ZNF445: variants seen among roughly 807,000 people sequenced by gnomAD.
ZNF445 encodes the protein zinc finger protein 445, also known as zinc finger protein 168.
In ZNF445, 19 loss-of-function variants were observed where a neutral mutation model predicts 93.9. The observed-to-expected ratio is 0.20, with a 90% CI of 0.14 to 0.30. ZNF445 has a LOEUF of 0.30. Among genes scored for constraint, ZNF445 ranks in the 10% least tolerant of loss-of-function variants. ZNF445 has a pLI of 1.00. For missense variants in ZNF445, 1,058 were observed against 1,259.4 expected (o/e 0.84, Z 2.42); for synonymous variants, 449 against 446.3 (o/e 1.01, Z -0.08).
At chr3:44,456,951 A>G (rs1698035578) in intron 2 of ZNF445, among the ~76,000 whole-genome samples, 1 of 152,130 alleles carries the variant, frequency 6.6e-6, no homozygotes, top group Non-Finnish European at 1.5e-5. Context: ...AACATGGCAA[A>G]ACTCCAGGTC....
In ZNF445 at chr3:44,435,913, G is replaced by A. The variant is rs1230447700; in HGVS notation, c.*10662C>T. ...AATTACTGCTAGTTCAGAACTAGAG[G>A]CTGGTTATCCCAGAAAAGTCTAATT... On this transcript the variant is annotated 3_prime_UTR_variant, in exon 8 of 8. Transcript: ENST00000396077. 2.6e-5 allele frequency: 4 copies of A among 152,168 alleles called. No individual in the cohort carries two copies. The highest frequency in any genetic ancestry group is 4.4e-5 in the Non-Finnish European group (3 of 68,036). The allele number at this position is 152,168 out of a possible 1,614,324, so 9.4% of individuals were successfully genotyped here. A position where few individuals can be genotyped will look rare whatever the true frequency, so the allele number is the denominator to read the frequency against.
At chr3:44,458,860 C>T (rs534211213) in intron 1 of ZNF445, among the ~76,000 whole-genome samples, 1 of 152,162 alleles carries the variant, frequency 6.6e-6, no homozygotes, top group Non-Finnish European at 1.5e-5. Context: ...CTGCCTCATA[C>T]TCAGTAAGCA....
intron 3 of ZNF445, among the ~76,000 whole-genome samples, chr3:44,454,508 A>C (rs1698000122): frequency 6.6e-6 from 1 of 152,196 alleles, no homozygotes; most frequent in Admixed American, 6.5e-5. Context: ...ATCACGGCTC[A>C]CTGCAGCCTT....
At position 44,468,876 on chromosome 3, in the gene ZNF445, G is replaced by A. The variant is rs958461735; in HGVS notation, c.-269+8715C>T. ...CAGTCTCCCACACAGCCGGCTCTGC[G>A]TGAATTACTCTTTCTCTATTGCAAT... On this transcript the variant is annotated intron_variant, in intron 1 of 7. Coordinates refer to ENST00000396077, the MANE Select transcript of ZNF445 (RefSeq NM_181489.6). Among the ~76,000 whole-genome samples the A allele has an allele frequency of 3.9e-5, 6 of 152,010 alleles. No individual in the cohort carries two copies. The East Asian group carries it at 5.8e-4, about 15-fold the overall frequency.
chr3:44,449,406 T>C lies in ZNF445; in HGVS notation c.931+107A>G, dbSNP rs983979681. The C allele has an allele frequency of 4.2e-6, 4 of 957,696 alleles. No homozygotes were observed. In the African/African-American group the frequency reaches 4.8e-5, roughly 12 times the overall value. 59.3% of individuals were successfully genotyped at this position (957,696 alleles called of 1,614,324 possible). The stretch of plus-strand genomic sequence containing the variant: ...ACCCTTACCAACACTGTTAAAGATC[T>C]TCCTTCCAGCAAACAATGGAGTAAA... On this transcript the variant is annotated intron_variant, in intron 7 of 7. Transcript: ENST00000396077.
chr3:44,460,512 ACT>A, intron 1 of ZNF445, among the ~76,000 whole-genome samples: 1 of 152,334 alleles, frequency 6.6e-6, no homozygotes, highest in East Asian at 1.9e-4. Flanking sequence ...CAGACCCTGC[ACT>A]TGATGGATTA....
In ZNF445 at chr3:44,435,333, G is replaced by A. The variant is rs1488933113; in HGVS notation, c.*11242C>T. 6.6e-6 allele frequency: 1 copy of A among 152,176 alleles called. No homozygotes were observed. Among genetic ancestry groups the A allele is most frequent in the East Asian group, 1.9e-4 (1 of 5,198 alleles). The allele number at this position is 152,176 out of a possible 1,614,324, so 9.4% of individuals were successfully genotyped here. ...CCCATGTCACAGTGATTGATTTACT[G>A]TGTGAGAACAGAACAAACCTGGGCC... On this transcript the variant is annotated 3_prime_UTR_variant, in exon 8 of 8. Coordinates refer to ENST00000396077, the MANE Select transcript of ZNF445 (RefSeq NM_181489.6).
At position 44,435,722 on chromosome 3, in the gene ZNF445, T is replaced by C. The variant is rs914735436; in HGVS notation, c.*10853A>G. 1 of 152,198 alleles carries C rather than the reference T, an allele frequency of 6.6e-6. No homozygotes were observed. The highest frequency in any genetic ancestry group is 1.5e-5 in the Non-Finnish European group (1 of 68,034). The allele number at this position is 152,198 out of a possible 1,614,324, so 9.4% of individuals were successfully genotyped here. A position where few individuals can be genotyped will look rare whatever the true frequency, so the allele number is the denominator to read the frequency against. On this transcript the variant is annotated 3_prime_UTR_variant, in exon 8 of 8. Coordinates refer to ENST00000396077, the MANE Select transcript of ZNF445 (RefSeq NM_181489.6). The stretch of plus-strand genomic sequence containing the variant: ...GTGGGATTCTGCCCATTGTTGACTA[T>C]GTCTATTCTAATTACGCATTCTAGA...
intron 4 of ZNF445, 41 bp downstream of exon 4, chr3:44,451,272 GT>G (rs761736035): frequency 5.6e-6 from 9 of 1,597,978 alleles, no homozygotes; most frequent in Non-Finnish European, 6.0e-6. Flanking sequence ...AATGCAAGAA[GT>G]GTGGCATAAG....
intron 1 of ZNF445, among the ~76,000 whole-genome samples, chr3:44,465,718 G>C (rs901028441): frequency 6.6e-6 from 1 of 152,158 alleles, no homozygotes; most frequent in Non-Finnish European, 1.5e-5. Context: ...TTCAAGGCCA[G>C]CCTGGCCAAC....
At position 44,447,238 on chromosome 3, in the gene ZNF445, A is replaced by C; in HGVS notation, c.2433T>G (p.Ile811Met). ...AATCATACTGTTTTTGAAGAGAGTG[A>C]ATCCTCTGATGTCGGTAGAGATTGG... ...WSSNLYRHQR[I>M]HSLQKQYDCH... The change falls in exon 8 of 8, where the codon ATT becomes ATG. Residue 811 changes from isoleucine (I) to methionine (M), a missense_variant. Around this residue, in one of 3 missense-constraint regions of ZNF445, gnomAD observed 387 missense variants for 475.7 expected, o/e 0.81. Coordinates refer to ENST00000396077, the MANE Select transcript of ZNF445 (RefSeq NM_181489.6). This position sits in a 1 kb window ranked among gnomAD's most constrained non-coding sequence, Gnocchi z 4.7. The C allele has an allele frequency of 6.2e-7, 1 of 1,614,166 alleles. No individual in the cohort carries two copies. Among genetic ancestry groups the C allele is most frequent in the Non-Finnish European group, 8.5e-7 (1 of 1,180,028 alleles).
At position 44,444,821 on chromosome 3, in the gene ZNF445, G is replaced by A. The variant is rs1251103361; in HGVS notation, c.*1754C>T. On this transcript the variant is annotated 3_prime_UTR_variant, in exon 8 of 8. Coordinates refer to ENST00000396077, the MANE Select transcript of ZNF445 (RefSeq NM_181489.6). Reference sequence around the variant, plus strand: ...TACTGAAAAAGACATCTTCCAGGTTGGTTTCTTCTCATTTCAAGAAATGAC... The same window carrying A: ...TACTGAAAAAGACATCTTCCAGGTTAGTTTCTTCTCATTTCAAGAAATGAC... The A allele has an allele frequency of 6.6e-6, 1 of 152,080 alleles. No homozygotes were observed. The highest frequency in any genetic ancestry group is 1.5e-5 in the Non-Finnish European group (1 of 68,060). 9.4% of individuals were successfully genotyped at this position (152,080 alleles called of 1,614,324 possible). A position where few individuals can be genotyped will look rare whatever the true frequency, so the allele number is the denominator to read the frequency against.
In ZNF445 at chr3:44,446,789, T is replaced by C. The variant is rs556247415; in HGVS notation, c.2882A>G (p.Gln961Arg). The C allele has an allele frequency of 1.2e-6, 2 of 1,614,264 alleles. No homozygotes were observed. Among genetic ancestry groups the C allele is most frequent in the Admixed American group, 1.7e-5 (1 of 60,028 alleles). ...CTGGAGTCCAGTGAGCCTGGAGCTC[T>C]GGCTGCAAGCTTCTTTGCAGTCTTC... ...PLEDCKEACSQSSRLTGLQDI... is the reference protein window; with the variant it reads ...PLEDCKEACSRSSRLTGLQDI... The change falls in exon 8 of 8, where the codon CAG becomes CGG. Residue 961 changes from glutamine to arginine, a missense_variant. By Grantham distance (43) the Gln-to-Arg change is conservative (BLOSUM62 1). Transcript: ENST00000396077. The surrounding 1 kb of genome is among the most constrained non-coding windows in gnomAD (Gnocchi z 4.2).
rs1455127543 is a variant in ZNF445 at position 44,438,151 on chromosome 3, GCACTT to G, written c.*8419_*8423del. Reference sequence around the variant, plus strand: ...TACTGTATCTCCTCAGTCACATTTTGCACTTCACTTTTTTTTTTTTTTAATTGAGA... The same window carrying G: ...TACTGTATCTCCTCAGTCACATTTTGCACTTTTTTTTTTTTTTAATTGAGA... On this transcript the variant is annotated 3_prime_UTR_variant, in exon 8 of 8. Transcript: ENST00000396077. 4 of 150,022 alleles carry G rather than the reference GCACTT, an allele frequency of 2.7e-5. No individual in the cohort carries two copies. The highest frequency in any genetic ancestry group is 2.0e-4 in the Admixed American group (3 of 15,062). 9.3% of individuals were successfully genotyped at this position (150,022 alleles called of 1,614,324 possible).
At chr3:44,462,372 G>A (rs2125683006) in intron 1 of ZNF445, among the ~76,000 whole-genome samples, 1 of 152,264 alleles carries the variant, frequency 6.6e-6, no homozygotes, top group East Asian at 1.9e-4. Context: ...CATGTCATAG[G>A]TAGCCCTAAA....
intron 1 of ZNF445, among the ~76,000 whole-genome samples, chr3:44,462,369 T>C (rs1369712072): frequency 6.6e-6 from 1 of 152,222 alleles, no homozygotes; most frequent in East Asian, 1.9e-4. Context: ...GCTCATGTCA[T>C]AGGTAGCCCT....
At position 44,436,324 on chromosome 3, in the gene ZNF445, A is replaced by C. The variant is rs992595335; in HGVS notation, c.*10251T>G. On this transcript the variant is annotated 3_prime_UTR_variant, in exon 8 of 8. Transcript: ENST00000396077. Reference sequence around the variant, plus strand: ...CTGCTTTGGCTGCACTGTCCATGGCAGTCACCACACCAATTGTGTTTTTGG... The same window carrying C: ...CTGCTTTGGCTGCACTGTCCATGGCCGTCACCACACCAATTGTGTTTTTGG... 1.3e-5 allele frequency: 2 copies of C among 152,228 alleles called. No individual in the cohort carries two copies. Among genetic ancestry groups the C allele is most frequent in the Admixed American group, 1.3e-4 (2 of 15,284 alleles). 9.4% of individuals were successfully genotyped at this position (152,228 alleles called of 1,614,324 possible). A position where few individuals can be genotyped will look rare whatever the true frequency, so the allele number is the denominator to read the frequency against.
rs1400287828 is a variant in ZNF445, at chr3:44,444,637, T to G, written c.*1938A>C. On this transcript the variant is annotated 3_prime_UTR_variant, in exon 8 of 8. Coordinates refer to ENST00000396077, the MANE Select transcript of ZNF445 (RefSeq NM_181489.6). ...AGGCAAGAGGATGGCAGAACCAAGA[T>G]GACCAAACCTTCCTGAGGACAAAGC... is the stretch of plus-strand genomic sequence containing the variant. The G allele has an allele frequency of 6.6e-6, 1 of 152,214 alleles. No individual in the cohort carries two copies. The highest frequency in any genetic ancestry group is 2.4e-5 in the African/African-American group (1 of 41,428). 9.4% of individuals were successfully genotyped at this position (152,214 alleles called of 1,614,324 possible). A position where few individuals can be genotyped will look rare whatever the true frequency, so the allele number is the denominator to read the frequency against.
In ZNF445 at chr3:44,447,505, T is replaced by C. The variant is rs141040680; in HGVS notation, c.2166A>G (p.Ser722=). The change falls in exon 8 of 8, where the codon TCA becomes TCG. Residue 722 remains serine (S), a synonymous_variant. Transcript: ENST00000396077. This position sits in a 1 kb window ranked among gnomAD's most constrained non-coding sequence, Gnocchi z 4.7. ...SDCGKDFAYR[S]AFIVHKKKHA... ...GCTTCTTCTTATGAACAATAAAGGC[T>C]GACCTATAGGCAAAGTCCTTCCCAC... is the stretch of plus-strand genomic sequence containing the variant. The C allele has an allele frequency of 1.2e-6, 2 of 1,614,124 alleles. No homozygotes were observed. The highest frequency in any genetic ancestry group is 2.7e-5 in the African/African-American group (2 of 74,946).
Sources: gnomAD v4.1 joint callset for allele counts (sites outside exome capture counted in the v4.1 genomes callset) on GRCh38, gnomAD v4.1.1 for gene constraint, gnomAD v4.1.1 regional missense constraint, Gnocchi (gnomAD v3.1) non-coding constraint, MANE v1.5 for transcripts, NCBI Gene and HGNC (gene_info 2026-07-23, HGNC 2026-07-21) for gene names.